RPGRIP1L: variants seen among roughly 807,000 people sequenced by gnomAD.
RPGRIP1L encodes protein fantom.
Under a neutral mutation model 160.4 loss-of-function variants are expected in RPGRIP1L, and 131 were observed. The observed-to-expected ratio is 0.82, with a 90% CI of 0.71 to 0.94. The LOEUF is 0.94. Ranked by LOEUF, RPGRIP1L falls within the 40% of genes least tolerant of loss-of-function variation. RPGRIP1L has a pLI of 0.00. For synonymous variants in RPGRIP1L, 510 were observed against 515.8 expected (o/e 0.99, Z 0.15); for missense variants, 1,522 against 1,535.8 (o/e 0.99, Z 0.15).
chr16:53,607,034 T>C (rs1963733342), intron 25 of RPGRIP1L, among the ~76,000 whole-genome samples: 1 of 152,224 alleles, frequency 6.6e-6, no homozygotes, highest in Admixed American at 6.5e-5. Context: ...AAGGAATTTT[T>C]ATAACATGTA....
intron 16 of RPGRIP1L, among the ~76,000 whole-genome samples, chr16:53,646,749 G>C (rs2151088061): frequency 6.6e-6 from 1 of 152,254 alleles, no homozygotes; most frequent in Admixed American, 6.5e-5. Flanking sequence ...TTTAGTGCTG[G>C]AGTCTCTACA....
intron 3 of RPGRIP1L, among the ~76,000 whole-genome samples, chr16:53,693,035 T>G (rs1375044235): frequency 6.6e-6 from 1 of 152,238 alleles, no homozygotes; most frequent in Non-Finnish European, 1.5e-5. Flanking sequence ...CAGGAGTTTA[T>G]ACCTTTGATT....
At chr16:53,626,053 C>T (rs1384893653) in intron 22 of RPGRIP1L, among the ~76,000 whole-genome samples, 1 of 149,188 alleles carries the variant, frequency 6.7e-6, no homozygotes, top group Non-Finnish European at 1.5e-5. Flanking sequence ...CCTTTGTTCA[C>T]GGGTTTATCT....
intron 3 of RPGRIP1L, among the ~76,000 whole-genome samples, chr16:53,692,670 T>C (rs900914514): frequency 1.3e-5 from 2 of 152,206 alleles, no homozygotes; most frequent in South Asian, 2.1e-4. Context: ...TGACCTTATA[T>C]AGGAATGCTG....
At chr16:53,654,091 G>A (rs111242155) in intron 14 of RPGRIP1L, among the ~76,000 whole-genome samples, 2 of 152,246 alleles carry the variant, frequency 1.3e-5, no homozygotes, top group African/African-American at 4.8e-5. Context: ...AGCCTCCCGA[G>A]TAGCTGGGAT....
At chr16:53,688,004 G>A in intron 4 of RPGRIP1L, 39 bp from the exon 5 acceptor site, 6 of 1,218,934 alleles carry the variant, frequency 4.9e-6, no homozygotes, top group Non-Finnish European at 6.1e-6. Flanking sequence ...CAGAATTGAA[G>A]TTAGAAAAGA....
chr16:53,701,908 T>C (rs1971427198), intron 1 of RPGRIP1L: 2 of 152,218 alleles, frequency 1.3e-5, no homozygotes, highest in African/African-American at 4.8e-5. Flanking sequence ...CATTGCATTT[T>C]GCTTTTACAG....
chr16:53,702,435 G>A (rs1166641896), intron 1 of RPGRIP1L, among the ~76,000 whole-genome samples: 1 of 152,140 alleles, frequency 6.6e-6, no homozygotes, highest in Admixed American at 6.5e-5. Flanking sequence ...TGTAGAAGCT[G>A]AAAAACCCTG....
In RPGRIP1L at chr16:53,645,836, G is replaced by A. The variant is rs2151082881; in HGVS notation, c.2472C>T (p.Asp824=). The A allele has an allele frequency of 6.2e-7, 1 of 1,614,054 alleles. No homozygotes were observed. The highest frequency in any genetic ancestry group is 8.5e-7 in the Non-Finnish European group (1 of 1,179,974). ...TACTGGGAATGATAGCTGTATCATG[G>A]TCTGCAAAATCAAAAAACTTGTACA... is the stretch of plus-strand genomic sequence containing the variant. ...YVVYKFFDFA[D]HDTAIIPSSN... is the part of the protein sequence containing the mutation. The change falls in exon 17 of 27, where the codon GAC becomes GAT. Residue 824 remains aspartate, a synonymous_variant. Coordinates refer to ENST00000647211, the MANE Select transcript of RPGRIP1L (RefSeq NM_015272.5).
At chr16:53,643,477 G>C (rs1966367652) in intron 17 of RPGRIP1L, among the ~76,000 whole-genome samples, 1 of 152,098 alleles carries the variant, frequency 6.6e-6, no homozygotes, top group South Asian at 2.1e-4. Context: ...AATTCGGAAA[G>C]TAAAAGCTGA....
chr16:53,691,954 T>C (rs1178177276), intron 4 of RPGRIP1L, 112 bp downstream of exon 4: 32 of 987,742 alleles, frequency 3.2e-5, no homozygotes, highest in Non-Finnish European at 5.1e-5. Flanking sequence ...TATTTTTCTC[T>C]TCCTAAAGAC....
chr16:53,621,040 A>G (rs1964676195), intron 23 of RPGRIP1L, among the ~76,000 whole-genome samples: 1 of 152,202 alleles, frequency 6.6e-6, no homozygotes, highest in Non-Finnish European at 1.5e-5. Flanking sequence ...AAAAAGTGCT[A>G]TACATACTTA....
rs184946982 is a variant in RPGRIP1L at position 53,639,961 on chromosome 16, T to C, written c.2958+1072A>G. Among the ~76,000 whole-genome samples, 31 of 152,312 alleles carry C rather than the reference T, an allele frequency of 2.0e-4. 2 individuals are homozygous for C. The South Asian group carries it at 2.5e-3, about 12-fold the overall frequency. On this transcript the variant is annotated intron_variant, in intron 19 of 26. Transcript: ENST00000647211. ...AGGTGTATACATATTTAAAAATCCA[T>C]TGAGCTCTATGCTTAAGATTGATGT...
intron 10 of RPGRIP1L, among the ~76,000 whole-genome samples, chr16:53,660,311 T>C (rs1967668025): frequency 6.6e-6 from 1 of 152,178 alleles, no homozygotes; most frequent in Non-Finnish European, 1.5e-5. Flanking sequence ...AAGTCTTCAA[T>C]TTATGTTGTA....
At position 53,624,839 on chromosome 16, in the gene RPGRIP1L, C is replaced by T. The variant is rs185747580; in HGVS notation, c.3295-2483G>A. On this transcript the variant is annotated intron_variant, in intron 22 of 26. Coordinates refer to ENST00000647211, the MANE Select transcript of RPGRIP1L (RefSeq NM_015272.5). ...TTGCCCAGGCTGGACTGTACTGCCG[C>T]GATCTCGGCTCGCTGCAACCTCCCT... Among the ~76,000 whole-genome samples, 125 of 150,346 alleles carry T rather than the reference C, an allele frequency of 8.3e-4. 1 individual carries two copies. The highest frequency in any genetic ancestry group is 2.9e-3 in the African/African-American group (120 of 40,916).
Position 53,637,743 on chromosome 16 carries a change from CCAAGCTTTGT to C in RPGRIP1L, c.3162_3171del (p.Gln1055HisfsTer9). 1 of 1,612,372 alleles carries C rather than the reference CCAAGCTTTGT, an allele frequency of 6.2e-7. No homozygotes were observed. Among genetic ancestry groups the C allele is most frequent in the East Asian group, 2.2e-5 (1 of 44,814 alleles). On this transcript the variant is annotated frameshift_variant, in exon 21 of 27. Coordinates refer to ENST00000647211, the MANE Select transcript of RPGRIP1L (RefSeq NM_015272.5). LOFTEE classifies it high-confidence loss of function. ...ATTTCTGTTTCATCTTCAGAAGATG[CCAAGCTTTGT>C]TCTGCAAGCTGACCTTCAGATAGTA...
rs750917538 is a variant in RPGRIP1L, at chr16:53,656,590, C to G, written c.1582-1G>C. The G allele has an allele frequency of 3.1e-6, 5 of 1,595,458 alleles. No individual in the cohort carries two copies. The highest frequency in any genetic ancestry group is 1.7e-4 in the Middle Eastern group (1 of 6,036). ...TACGGGTCACTGCCTCAACCTCCAT[C>G]TACAAAATAAGGGAAAATAAGTTTT... On this transcript the variant is annotated splice_acceptor_variant, in intron 13 of 26. Coordinates refer to ENST00000647211, the MANE Select transcript of RPGRIP1L (RefSeq NM_015272.5). LOFTEE classifies it high-confidence loss of function.
At chr16:53,674,971 C>A (rs774404287) in intron 7 of RPGRIP1L, 46 bp downstream of exon 7, 2 of 1,277,768 alleles carry the variant, frequency 1.6e-6, no homozygotes, top group Admixed American at 3.4e-5. Context: ...ACTTTTGAAT[C>A]CTTTGCATCT....
chr16:53,600,488 T>G lies in RPGRIP1L; in HGVS notation c.*1588A>C, dbSNP rs1369851996. 2 of 152,628 alleles carry G rather than the reference T, an allele frequency of 1.3e-5. No individual in the cohort carries two copies. The allele number at this position is 152,628 out of a possible 1,614,324, so 9.5% of individuals were successfully genotyped here. ...CCCAGGACAGGGAGGCCCAGTGGTATAGACAGAATTTATAGATTTCTGTGG... is the reference window on the plus strand; with the variant it reads ...CCCAGGACAGGGAGGCCCAGTGGTAGAGACAGAATTTATAGATTTCTGTGG... On this transcript the variant is annotated 3_prime_UTR_variant, in exon 27 of 27. Coordinates refer to ENST00000647211, the MANE Select transcript of RPGRIP1L (RefSeq NM_015272.5).
Sources: gnomAD v4.1 joint callset for allele counts (sites outside exome capture counted in the v4.1 genomes callset) on GRCh38, gnomAD v4.1.1 for gene constraint, MANE v1.5 for transcripts, NCBI Gene and HGNC (gene_info 2026-07-23, HGNC 2026-07-21) for gene names.